The following ZNF44 variants were observed in gnomAD, a reference collection of about 807,000 sequenced individuals.
ZNF44 encodes the protein zinc finger protein 44, also known as gonadotropin inducible transcription repressor-2.
A neutral mutation model predicts 11.7 loss-of-function variants in ZNF44; 9 were observed. That is an observed-to-expected ratio of 0.77 (90% CI 0.46 to 1.35). The LOEUF (loss-of-function observed/expected upper bound fraction) is 1.35, where lower values mean the gene tolerates loss of function less well. ZNF44 is among the 40% of genes most tolerant of loss of function. The pLI, the probability that ZNF44 is intolerant of heterozygous loss-of-function variation, is 0.00. For missense variants in ZNF44, 696 were observed against 743.1 expected (o/e 0.94, Z 0.74); for synonymous variants, 224 against 242.7 (o/e 0.92, Z 0.72).
At chr19:12,278,738 A>G (rs943158320) in intron 1 of ZNF44, among the ~76,000 whole-genome samples, 1 of 152,126 alleles carries the variant, frequency 6.6e-6, no homozygotes, top group Admixed American at 6.6e-5. Flanking sequence ...GAAAAAAAAA[A>G]AAGACATATA....
chr19:12,287,493 C>T (rs917623766), intron 1 of ZNF44, among the ~76,000 whole-genome samples: 2 of 152,098 alleles, frequency 1.3e-5, no homozygotes, highest in Non-Finnish European at 2.9e-5. Flanking sequence ...GGATTACAAG[C>T]GTGAGACACC....
rs772577100 is a variant in ZNF44, at chr19:12,272,706, T to G, written c.1549A>C (p.Ser517Arg). Residue 517 changes from serine (S) to arginine (R), a missense_variant, in exon 4 of 4, where the codon AGT (serine) becomes CGT (arginine). Transcript: ENST00000355684. ...GTCCTTTCATGAGTTTTTAAGTAAC[T>G]GAAACGACTGAAGGCTTTGCCACAA... ...QICGKAFSRF[S>R]YLKTHERTHT... 21 of 1,613,582 alleles carry G rather than the reference T, an allele frequency of 1.3e-5. No homozygotes were observed. Among genetic ancestry groups the G allele is most frequent in the Non-Finnish European group, 1.5e-5 (18 of 1,179,664 alleles).
At chr19:12,269,835 T>C (rs565505916), downstream of ZNF44, among the ~76,000 whole-genome samples, 22 of 152,196 alleles carry the variant, frequency 1.4e-4, no homozygotes, top group Non-Finnish European at 2.9e-4. Context: ...TATATATCCA[T>C]GGAGGTGATA....
chr19:12,239,034 A>C (rs1916508134), upstream of ZNF44, among the ~76,000 whole-genome samples: 1 of 152,228 alleles, frequency 6.6e-6, no homozygotes, highest in East Asian at 1.9e-4. Context: ...AATCAGCTTA[A>C]GGTTCTGATC....
exon 8 of ZNF44, chr19:12,247,940 T>C: frequency 7.4e-7 from 1 of 1,350,068 alleles, no homozygotes; most frequent in Non-Finnish European, 9.8e-7. Flanking sequence ...ATTCCTTGCA[T>C]TTGTAGGGTT....
chr19:12,275,986 G>C lies in ZNF44; in HGVS notation c.100C>G (p.Arg34Gly). The change falls in exon 2 of 4, where the codon CGA becomes GGA. Residue 34 changes from arginine to glycine, a missense_variant. Arg to Gly is a moderately radical substitution (Grantham distance 125). Transcript: ENST00000355684. ...SQKNLYRDVM[R>G]ETIRNLNCIG... Reference sequence around the variant, plus strand: ...CAGTTCAGGTTCCTAATGGTTTCTCGCATCACATCTCTGTAGAGATTCTTC... The same window carrying C: ...CAGTTCAGGTTCCTAATGGTTTCTCCCATCACATCTCTGTAGAGATTCTTC... The C allele has an allele frequency of 6.2e-7, 1 of 1,607,468 alleles. No homozygotes were observed. Among genetic ancestry groups the C allele is most frequent in the Non-Finnish European group, 8.5e-7 (1 of 1,175,638 alleles).
chr19:12,234,061 T>TAAAA (rs76369228), intron 2 of ZNF44, among the ~76,000 whole-genome samples: 2 of 133,470 alleles, frequency 1.5e-5, no homozygotes, highest in African/African-American at 5.5e-5. Flanking sequence ...GACTCTGTCT[T>TAAAA]AAAAAAAAAA....
At chr19:12,274,123 G>T in intron 3 of ZNF44, 60 bp from the exon 4 acceptor site, 1 of 1,421,396 alleles carries the variant, frequency 7.0e-7, no homozygotes, top group Non-Finnish European at 9.5e-7. Flanking sequence ...TTTATCAACA[G>T]GTATTAGATT....
At chr19:12,233,026 C>A (rs1916226094) in intron 2 of ZNF44, among the ~76,000 whole-genome samples, 1 of 152,160 alleles carries the variant, frequency 6.6e-6, no homozygotes, top group Admixed American at 6.5e-5. Context: ...ATCAAAAACT[C>A]TAAATCCAAA....
At chr19:12,268,945 T>C (rs888152636), downstream of ZNF44, among the ~76,000 whole-genome samples, 1 of 152,062 alleles carries the variant, frequency 6.6e-6, no homozygotes, top group Non-Finnish European at 1.5e-5. Flanking sequence ...GGTCTCCCTA[T>C]GTTGCTGAGA....
At chr19:12,259,841 G>A (rs149177721) in intron 5 of ZNF44, among the ~76,000 whole-genome samples, 83 of 152,320 alleles carry the variant, frequency 5.4e-4, no homozygotes, top group African/African-American at 1.9e-3. Context: ...TGGGAGAGGC[G>A]CATGAAGCAG....
At chr19:12,242,901 C>CA (rs1916668187), downstream of ZNF44, 1 of 151,984 alleles carries the variant, frequency 6.6e-6, no homozygotes, top group Non-Finnish European at 1.5e-5. Flanking sequence ...GAAAGGAAAA[C>CA]AACAATGCCT....
At chr19:12,274,211 TAACTC>T (rs894420000) in intron 3 of ZNF44, 148 bp from the exon 4 acceptor site, 4 of 601,056 alleles carry the variant, frequency 6.7e-6, no homozygotes, top group Non-Finnish European at 8.4e-6. Flanking sequence ...TTGTGCAAGA[TAACTC>T]AATCCCAGCT....
At chr19:12,285,374 G>A (rs1967689915) in intron 1 of ZNF44, among the ~76,000 whole-genome samples, 1 of 152,128 alleles carries the variant, frequency 6.6e-6, no homozygotes, top group South Asian at 2.1e-4. Flanking sequence ...TCCTGGCTCA[G>A]CCTCCCGAGT....
intron 5 of ZNF44, among the ~76,000 whole-genome samples, chr19:12,263,643 G>C (rs1003014412): frequency 2.6e-5 from 4 of 151,868 alleles, no homozygotes; most frequent in Non-Finnish European, 4.4e-5. Flanking sequence ...AAAAAAATTA[G>C]CGCTGGGTGC....
intron 1 of ZNF44, chr19:12,284,436 C>T (rs1033572265): frequency 7.9e-6 from 5 of 634,050 alleles, no homozygotes; most frequent in Middle Eastern, 8.4e-4. Context: ...CAGTGGCATC[C>T]GGGGCCGGGG....
upstream of ZNF44, among the ~76,000 whole-genome samples, chr19:12,240,826 C>T (rs62111273): frequency 0.047 from 7,207 of 152,110 alleles, 211 homozygotes; most frequent in Middle Eastern, 0.078. Flanking sequence ...AAAGCCAAAA[C>T]CATAGAAGAC....
intron 5 of ZNF44, among the ~76,000 whole-genome samples, chr19:12,261,983 C>G (rs1200105144): frequency 2.0e-5 from 3 of 151,912 alleles, no homozygotes. Flanking sequence ...ACATAGGAAA[C>G]CATTGTAAGA....
chr19:12,275,570 C>T (rs940195514), intron 2 of ZNF44, among the ~76,000 whole-genome samples: 6 of 151,928 alleles, frequency 3.9e-5, no homozygotes, highest in Admixed American at 6.6e-5. Flanking sequence ...GGTGTGAACC[C>T]GGGAGGCGGA....
Sources: gnomAD v4.1 joint callset for allele counts (sites outside exome capture counted in the v4.1 genomes callset) on GRCh38, gnomAD v4.1.1 for gene constraint, MANE v1.5 for transcripts, NCBI Gene and HGNC (gene_info 2026-07-23, HGNC 2026-07-21) for gene names.